RBFOX1: variants seen among roughly 807,000 people sequenced by gnomAD.
RBFOX1 encodes the protein RNA binding protein fox-1 homolog 1.
A neutral mutation model predicts 57.7 loss-of-function variants in RBFOX1; 8 were observed. The ratio of observed to expected loss-of-function variants is 0.14; its 90% CI spans 0.08 to 0.25. RBFOX1 has a LOEUF of 0.25. Ranked by LOEUF, RBFOX1 falls within the 10% of genes least tolerant of loss-of-function variation. The pLI is 1.00. For synonymous variants in RBFOX1, 326 were observed against 222.4 expected (o/e 1.47, Z -4.15); for missense variants, 611 against 548.5 (o/e 1.11, Z -1.14).
At chr16:6,587,750 G>A (rs1005053947) in intron 2 of RBFOX1, among the ~76,000 whole-genome samples, 1 of 152,178 alleles carries the variant, frequency 6.6e-6, no homozygotes, top group Non-Finnish European at 1.5e-5. Flanking sequence ...ATACAAACTT[G>A]TAGAAAAATT....
chr16:6,427,366 C>T (rs1292734291), intron 2 of RBFOX1, among the ~76,000 whole-genome samples: 3 of 152,160 alleles, frequency 2.0e-5, no homozygotes, highest in Admixed American at 2.0e-4. Flanking sequence ...CTATAGGAAA[C>T]GGTTCCCACA....
At chr16:6,372,655 A>C (rs763216224) in intron 2 of RBFOX1, among the ~76,000 whole-genome samples, 1 of 146,504 alleles carries the variant, frequency 6.8e-6, no homozygotes, top group Non-Finnish European at 1.5e-5. Flanking sequence ...GAATGGGTGG[A>C]AGTATAGTTG....
Position 5,407,164 on chromosome 16 carries a change from G to C in RBFOX1, c.220-60052G>C, listed in dbSNP as rs536345711. 2.6e-5 allele frequency among the ~76,000 whole-genome samples: 4 copies of C among 152,168 alleles called. No homozygotes were observed. In the South Asian group the frequency reaches 8.3e-4, roughly 32 times the overall value. ...AGAGAGACAGAGTGAAAAGTGCAGG[G>C]GAAGCTGCCGTTTATAAAACCATCA... is the stretch of plus-strand genomic sequence containing the variant. On this transcript the variant is annotated intron_variant, in intron 1 of 2. Transcript: ENST00000585867.
At chr16:7,461,387 C>G (rs1015271713) in intron 4 of RBFOX1, among the ~76,000 whole-genome samples, 1 of 151,942 alleles carries the variant, frequency 6.6e-6, no homozygotes, top group Admixed American at 6.6e-5. Flanking sequence ...AGGATGGTGT[C>G]CATCTGTTGA....
At chr16:5,591,400 C>A (rs978917371) in intron 2 of RBFOX1, among the ~76,000 whole-genome samples, 5 of 151,970 alleles carry the variant, frequency 3.3e-5, no homozygotes, top group Non-Finnish European at 5.9e-5. Flanking sequence ...TACAGGCACC[C>A]ACCACTGTGC....
intron 2 of RBFOX1, among the ~76,000 whole-genome samples, chr16:5,590,075 AC>A (rs79842174): frequency 1.8e-4 from 17 of 96,558 alleles, no homozygotes; most frequent in Admixed American, 4.4e-4. Flanking sequence ...ACACACACAC[AC>A]AAAAAGGGCA....
intron 4 of RBFOX1, among the ~76,000 whole-genome samples, chr16:7,245,667 T>TTTTG (rs943712982): frequency 2.0e-5 from 3 of 152,216 alleles, no homozygotes; most frequent in East Asian, 1.9e-4. Flanking sequence ...AGCCTTATGT[T>TTTTG]TTTGTTTGTT....
intron 1 of RBFOX1, among the ~76,000 whole-genome samples, chr16:6,261,905 C>T (rs1021081343): frequency 2.6e-5 from 4 of 151,774 alleles, no homozygotes; most frequent in South Asian, 2.1e-4. Context: ...TGGCACACAT[C>T]GATAATCCCA....
chr16:6,891,819 T>C (rs749706821), intron 3 of RBFOX1, among the ~76,000 whole-genome samples: 12 of 152,198 alleles, frequency 7.9e-5, no homozygotes, highest in African/African-American at 2.4e-5. Context: ...GCCAGCCTAA[T>C]GTAGGGTTGG....
At chr16:6,738,811 T>C (rs1236276894) in intron 3 of RBFOX1, among the ~76,000 whole-genome samples, 13 of 152,114 alleles carry the variant, frequency 8.5e-5, no homozygotes, top group African/African-American at 2.9e-4. Flanking sequence ...AGAATCAAAC[T>C]AGAAATTAAT....
chr16:6,189,698 G>A (rs1382731685), intron 1 of RBFOX1, among the ~76,000 whole-genome samples: 2 of 152,164 alleles, frequency 1.3e-5, no homozygotes, highest in East Asian at 3.8e-4. Flanking sequence ...CTCCAGTTGT[G>A]GTTGAGGTTA....
chr16:6,842,130 A>G (rs1226176678), intron 3 of RBFOX1, among the ~76,000 whole-genome samples: 2 of 151,098 alleles, frequency 1.3e-5, no homozygotes, highest in East Asian at 1.9e-4. Context: ...GTGACAGAGC[A>G]AGACTGTCTC....
At chr16:5,705,503 G>A (rs1013613786) in intron 3 of RBFOX1, among the ~76,000 whole-genome samples, 1 of 152,142 alleles carries the variant, frequency 6.6e-6, no homozygotes, top group African/African-American at 2.4e-5. Flanking sequence ...GCTCAAGCAA[G>A]GATCTCTCAG....
intron 3 of RBFOX1, among the ~76,000 whole-genome samples, chr16:6,878,760 C>T (rs369779841): frequency 2.0e-5 from 3 of 152,062 alleles, no homozygotes; most frequent in East Asian, 1.9e-4. Flanking sequence ...GTTTAAGGAC[C>T]CTGACAATCT....
At position 6,425,857 on chromosome 16, in the gene RBFOX1, A is replaced by G. The variant is rs1244951482; in HGVS notation, c.-64+108800A>G. Among the ~76,000 whole-genome samples the G allele has an allele frequency of 2.6e-5, 4 of 152,304 alleles. No homozygotes were observed. In the East Asian group the frequency reaches 7.7e-4, roughly 29 times the overall value. ...TTTATGGAGGGAAAATTTACATAGC[A>G]TAATGTCAATCATTGTCAAGTGTAC... On this transcript the variant is annotated intron_variant, in intron 2 of 15. Coordinates refer to ENST00000550418, the MANE Select transcript of RBFOX1 (RefSeq NM_018723.4).
intron 10 of RBFOX1, among the ~76,000 whole-genome samples, chr16:7,620,986 T>C (rs1301194162): frequency 6.6e-6 from 1 of 152,084 alleles, no homozygotes; most frequent in Non-Finnish European, 1.5e-5. Context: ...CAATTTACTG[T>C]TGTCAGCACC....
At chr16:5,746,522 C>A (rs1404575398) in intron 3 of RBFOX1, among the ~76,000 whole-genome samples, 1 of 152,158 alleles carries the variant, frequency 6.6e-6, no homozygotes, top group East Asian at 1.9e-4. Context: ...CTATAAATTA[C>A]CTTGGGCAGT....
At chr16:6,691,937 C>T (rs575509978) in intron 3 of RBFOX1, among the ~76,000 whole-genome samples, 1 of 152,250 alleles carries the variant, frequency 6.6e-6, no homozygotes, top group East Asian at 1.9e-4. Flanking sequence ...GGGCCATGGG[C>T]CATGGACTGT....
chr16:5,423,940 G>T (rs2067433316), intron 1 of RBFOX1, among the ~76,000 whole-genome samples: 1 of 152,114 alleles, frequency 6.6e-6, no homozygotes, highest in African/African-American at 2.4e-5. Flanking sequence ...ACCTTGTGAG[G>T]TTTTCTGGGC....
Sources: allele counts gnomAD v4.1 joint callset (sites outside exome capture counted in the v4.1 genomes callset), GRCh38; gene constraint gnomAD v4.1.1; transcripts MANE v1.5; gene names NCBI Gene and HGNC (gene_info 2026-07-23, HGNC 2026-07-21).